Variants in CPA6 observed in about 807,000 individuals in gnomAD.
CPA6 encodes carboxypeptidase B.
Under a neutral mutation model 63.3 loss-of-function variants are expected in CPA6, and 58 were observed. The ratio of observed to expected loss-of-function variants is 0.92; its 90% CI spans 0.74 to 1.14. The LOEUF is 1.14. CPA6 is among the 50% of genes most tolerant of loss of function. The pLI, the probability that CPA6 is intolerant of heterozygous loss-of-function variation, is 0.00. For synonymous variants in CPA6, 185 were observed against 179.0 expected (o/e 1.03, Z -0.27); for missense variants, 565 against 526.6 (o/e 1.07, Z -0.71).
At chr8:67,625,885 G>A (rs1815183090) in intron 1 of CPA6, among the ~76,000 whole-genome samples, 2 of 152,150 alleles carry the variant, frequency 1.3e-5, no homozygotes, top group Admixed American at 6.5e-5. Context: ...TTTGGATTGT[G>A]TCCCCACCCA....
intron 1 of CPA6, among the ~76,000 whole-genome samples, chr8:67,666,586 G>A (rs969821994): frequency 2.6e-5 from 4 of 152,186 alleles, no homozygotes; most frequent in Non-Finnish European, 5.9e-5. Context: ...ATGTGGAATA[G>A]CAGCCCAGTG....
chr8:67,738,787 C>A (rs1817861370), intron 1 of CPA6, among the ~76,000 whole-genome samples: 1 of 152,182 alleles, frequency 6.6e-6, no homozygotes, highest in South Asian at 2.1e-4. Context: ...CATAAAGAAG[C>A]TAATGCCTAG....
At chr8:67,558,498 A>G (rs1475600946) in intron 2 of CPA6, among the ~76,000 whole-genome samples, 1 of 152,214 alleles carries the variant, frequency 6.6e-6, no homozygotes, top group Non-Finnish European at 1.5e-5. Flanking sequence ...GTGAAAGTCA[A>G]TGTAAATTTA....
intron 6 of CPA6, among the ~76,000 whole-genome samples, chr8:67,502,186 C>G (rs1811842059): frequency 6.6e-6 from 1 of 152,026 alleles, no homozygotes; most frequent in Non-Finnish European, 1.5e-5. Context: ...ATAACCAGGC[C>G]AGGTGCATGG....
intron 2 of CPA6, among the ~76,000 whole-genome samples, chr8:67,567,673 A>C (rs1192154586): frequency 1.3e-5 from 2 of 152,250 alleles, no homozygotes; most frequent in Admixed American, 1.3e-4. Context: ...ATGGAATTGA[A>C]TAAAAATCTA....
chr8:67,715,900 T>A (rs1041522369), intron 1 of CPA6, among the ~76,000 whole-genome samples: 1 of 152,108 alleles, frequency 6.6e-6, no homozygotes, highest in African/African-American at 2.4e-5. Flanking sequence ...AGGCCTGTAA[T>A]CCCAACACTT....
In CPA6 at chr8:67,557,578, G is replaced by A. The variant is rs866835218; in HGVS notation, c.193-39531C>T. On this transcript the variant is annotated intron_variant, in intron 2 of 10. Transcript: ENST00000297770. Reference sequence around the variant, plus strand: ...CAGAGAGATTAGCACCATCTGGCCAGCAAACCTCCCCAACCCCCTATTTTC... The same window carrying A: ...CAGAGAGATTAGCACCATCTGGCCAACAAACCTCCCCAACCCCCTATTTTC... Among the ~76,000 whole-genome samples, 8 of 152,234 alleles carry A rather than the reference G, an allele frequency of 5.3e-5. No homozygotes were observed. The South Asian group carries it at 1.2e-3, about 24-fold the overall frequency.
At chr8:67,745,931 G>A in intron 1 of CPA6, 83 bp downstream of exon 1, 1 of 935,848 alleles carries the variant, frequency 1.1e-6, no homozygotes, top group Non-Finnish European at 1.6e-6. Context: ...CCCCAAATCA[G>A]AAAAAGTGAG....
At chr8:67,569,466 A>G (rs1422215000) in intron 2 of CPA6, 1 of 277,804 alleles carries the variant, frequency 3.6e-6, no homozygotes, top group East Asian at 9.4e-5. Context: ...ATAAGTAGCC[A>G]GAGCCACAGG....
chr8:67,579,348 G>A (rs1382993625), intron 2 of CPA6, among the ~76,000 whole-genome samples: 2 of 152,210 alleles, frequency 1.3e-5, no homozygotes, highest in Non-Finnish European at 1.5e-5. Flanking sequence ...AGGAGTTGGA[G>A]GTTGCAGTGA....
At chr8:67,591,775 G>T (rs1814132486) in intron 2 of CPA6, among the ~76,000 whole-genome samples, 1 of 152,186 alleles carries the variant, frequency 6.6e-6, no homozygotes, top group Admixed American at 6.5e-5. Flanking sequence ...ATCAGCTTAA[G>T]GAGACTTTGG....
chr8:67,694,794 C>T (rs886124069), intron 1 of CPA6, among the ~76,000 whole-genome samples: 1 of 152,186 alleles, frequency 6.6e-6, no homozygotes, highest in Non-Finnish European at 1.5e-5. Flanking sequence ...CCTTGAAAGA[C>T]AGTAGTGAAG....
intron 3 of CPA6, among the ~76,000 whole-genome samples, chr8:67,515,016 T>G (rs1303849711): frequency 6.6e-6 from 1 of 152,184 alleles, no homozygotes; most frequent in African/African-American, 2.4e-5. Flanking sequence ...ACCAGGGATG[T>G]CACTGCCATT....
intron 2 of CPA6, among the ~76,000 whole-genome samples, chr8:67,532,557 C>A (rs1812500110): frequency 6.6e-6 from 1 of 152,098 alleles, no homozygotes; most frequent in East Asian, 1.9e-4. Flanking sequence ...TGGCGAGTAT[C>A]TGTAGACCCA....
chr8:67,646,661 T>A (rs1815720645), intron 1 of CPA6, among the ~76,000 whole-genome samples: 1 of 151,928 alleles, frequency 6.6e-6, no homozygotes, highest in South Asian at 2.1e-4. Flanking sequence ...ATAAGTGGAG[T>A]GGGGCAGATG....
intron 2 of CPA6, among the ~76,000 whole-genome samples, chr8:67,519,986 C>A (rs567786092): frequency 6.6e-6 from 1 of 151,542 alleles, no homozygotes; most frequent in African/African-American, 2.4e-5. Flanking sequence ...GGTTTCTTGC[C>A]TTTATAAGAA....
chr8:67,589,930 G>A (rs1814064073), intron 2 of CPA6, among the ~76,000 whole-genome samples: 1 of 151,610 alleles, frequency 6.6e-6, no homozygotes, highest in Non-Finnish European at 1.5e-5. Context: ...GGGTACATGT[G>A]CACAATGTGC....
At chr8:67,475,025 G>GT (rs1264473785) in intron 8 of CPA6, among the ~76,000 whole-genome samples, 1 of 152,096 alleles carries the variant, frequency 6.6e-6, no homozygotes, top group African/African-American at 2.4e-5. Flanking sequence ...CAAAAAACCA[G>GT]TTCTTCCTAA....
At chr8:67,652,642 C>G (rs1246559026) in intron 1 of CPA6, among the ~76,000 whole-genome samples, 6 of 149,586 alleles carry the variant, frequency 4.0e-5, no homozygotes, top group Non-Finnish European at 7.5e-5. Flanking sequence ...GATATTAGCC[C>G]TTTGTCAGAT....
Sources: gnomAD v4.1 joint callset for allele counts (sites outside exome capture counted in the v4.1 genomes callset) on GRCh38, gnomAD v4.1.1 for gene constraint, MANE v1.5 for transcripts, NCBI Gene and HGNC (gene_info 2026-07-23, HGNC 2026-07-21) for gene names.